The following CSMD1 variants were observed in gnomAD, a reference collection of about 807,000 sequenced individuals.
CSMD1 encodes the protein CUB and sushi domain-containing protein 1.
A neutral mutation model predicts 417.5 loss-of-function variants in CSMD1; 213 were observed. The ratio of observed to expected loss-of-function variants is 0.51; its 90% CI spans 0.46 to 0.57. CSMD1 has a LOEUF of 0.57. Ranked by LOEUF, CSMD1 falls within the 20% of genes least tolerant of loss-of-function variation. CSMD1 has a pLI of 0.00. For synonymous variants in CSMD1, 2,862 were observed against 1,736.8 expected (o/e 1.65, Z -16.11); for missense variants, 6,923 against 4,529.7 (o/e 1.53, Z -15.17).
chr8:4,314,881 G>A (rs1302091445), intron 3 of CSMD1, among the ~76,000 whole-genome samples: 1 of 152,144 alleles, frequency 6.6e-6, no homozygotes, highest in Non-Finnish European at 1.5e-5. Flanking sequence ...GCTTCCTGTT[G>A]GAGTGAAGAA....
At chr8:3,841,334 G>T (rs548521191) in intron 5 of CSMD1, among the ~76,000 whole-genome samples, 1 of 152,238 alleles carries the variant, frequency 6.6e-6, no homozygotes, top group South Asian at 2.1e-4. Context: ...GGCATCAAGT[G>T]CATTTTTGGA....
chr8:3,303,547 C>T (rs116958681), intron 25 of CSMD1, among the ~76,000 whole-genome samples: 2 of 152,302 alleles, frequency 1.3e-5, no homozygotes, highest in Non-Finnish European at 2.9e-5. Context: ...AACTATACTA[C>T]CAAATGCAAT....
At chr8:3,613,545 A>G (rs1043509193) in intron 8 of CSMD1, among the ~76,000 whole-genome samples, 1 of 152,046 alleles carries the variant, frequency 6.6e-6, no homozygotes. Context: ...CATAAAAAGA[A>G]AAAAACATCA....
intron 3 of CSMD1, among the ~76,000 whole-genome samples, chr8:4,140,428 G>A (rs562504281): frequency 6.6e-6 from 1 of 150,954 alleles, no homozygotes; most frequent in Non-Finnish European, 1.5e-5. Context: ...AACCTGGGAA[G>A]TGGAGGTTGC....
chr8:3,481,154 C>CAA (rs1221192557), intron 11 of CSMD1, among the ~76,000 whole-genome samples: 105 of 69,144 alleles, frequency 1.5e-3, no homozygotes, highest in East Asian at 4.4e-3. Flanking sequence ...GACTCCATCT[C>CAA]AAAAAAAAAA....
chr8:3,786,648 G>C (rs1465558294), intron 5 of CSMD1, among the ~76,000 whole-genome samples: 3 of 152,154 alleles, frequency 2.0e-5, no homozygotes, highest in Non-Finnish European at 2.9e-5. Context: ...GTTCACTCGA[G>C]ATGCTATGAT....
At chr8:4,152,868 G>A (rs756378361) in intron 3 of CSMD1, among the ~76,000 whole-genome samples, 2 of 152,088 alleles carry the variant, frequency 1.3e-5, no homozygotes, top group African/African-American at 4.8e-5. Flanking sequence ...GGAGAAATGA[G>A]AAATTAACAT....
chr8:3,516,550 T>A (rs1444211711), intron 10 of CSMD1, among the ~76,000 whole-genome samples: 1 of 152,204 alleles, frequency 6.6e-6, no homozygotes, highest in Non-Finnish European at 1.5e-5. Flanking sequence ...CATTATCAGG[T>A]CATGTCTGCT....
At chr8:4,123,223 A>G (rs1236746881) in intron 3 of CSMD1, among the ~76,000 whole-genome samples, 1 of 152,240 alleles carries the variant, frequency 6.6e-6, no homozygotes, top group Non-Finnish European at 1.5e-5. Flanking sequence ...AGCCAAGTTC[A>G]CAGTTAATGA....
intron 3 of CSMD1, among the ~76,000 whole-genome samples, chr8:4,345,335 G>C (rs902745493): frequency 6.6e-6 from 1 of 152,032 alleles, no homozygotes; most frequent in Non-Finnish European, 1.5e-5. Flanking sequence ...TCTTTTCCTT[G>C]CTTGGTTTCC....
At chr8:3,935,626 C>G (rs144584381) in intron 5 of CSMD1, among the ~76,000 whole-genome samples, 1 of 152,032 alleles carries the variant, frequency 6.6e-6, no homozygotes, top group African/African-American at 2.4e-5. Flanking sequence ...TGTTTGGGGG[C>G]CCCATATGTG....
At chr8:3,648,489 G>T (rs576066449) in intron 7 of CSMD1, among the ~76,000 whole-genome samples, 4 of 152,188 alleles carry the variant, frequency 2.6e-5, no homozygotes, top group Admixed American at 6.5e-5. Flanking sequence ...ACACAGTGGA[G>T]TGACTGCTGA....
At chr8:4,346,663 A>AT (rs890922969) in intron 3 of CSMD1, among the ~76,000 whole-genome samples, 1 of 152,084 alleles carries the variant, frequency 6.6e-6, no homozygotes, top group Non-Finnish European at 1.5e-5. Flanking sequence ...GCAATTTTGA[A>AT]TTTTTTTTCT....
intron 12 of CSMD1, among the ~76,000 whole-genome samples, chr8:3,429,831 C>A (rs1424473543): frequency 1.3e-5 from 2 of 152,124 alleles, no homozygotes; most frequent in African/African-American, 4.8e-5. Flanking sequence ...CCACCTCCCC[C>A]ACAAAAATAC....
rs556995630 is a variant in CSMD1 at position 3,676,380 on chromosome 8, T to C, written c.1009+32034A>G. On this transcript the variant is annotated intron_variant, in intron 7 of 69. Coordinates refer to ENST00000635120, the MANE Select transcript of CSMD1 (RefSeq NM_033225.6). ...AGGCAGGATTGTTGTCAAAACTAGATGAAAACTTATATACCAAGCACCATG... is the reference window on the plus strand; with the variant it reads ...AGGCAGGATTGTTGTCAAAACTAGACGAAAACTTATATACCAAGCACCATG... Among the ~76,000 whole-genome samples the C allele has an allele frequency of 1.2e-4, 18 of 152,270 alleles. No homozygotes were observed. In the South Asian group the frequency reaches 2.7e-3, roughly 23 times the overall value.
intron 1 of CSMD1, among the ~76,000 whole-genome samples, chr8:4,975,816 TTGC>T (rs1279972988): frequency 5.2e-4 from 78 of 148,740 alleles, no homozygotes; most frequent in African/African-American, 1.9e-3. Context: ...TGCATTTTTT[TTGC>T]AATAATAGAA....
chr8:3,888,786 T>C (rs1447403789), intron 5 of CSMD1, among the ~76,000 whole-genome samples: 1 of 152,128 alleles, frequency 6.6e-6, no homozygotes, highest in African/African-American at 2.4e-5. Context: ...TTTGGGTCCT[T>C]CCAAATAGCC....
chr8:3,939,995 C>G (rs576084735), intron 5 of CSMD1, among the ~76,000 whole-genome samples: 1 of 151,750 alleles, frequency 6.6e-6, no homozygotes, highest in Non-Finnish European at 1.5e-5. Context: ...CCACCTGTAC[C>G]CCAAAAACTA....
intron 3 of CSMD1, among the ~76,000 whole-genome samples, chr8:4,086,387 G>C (rs572704089): frequency 6.6e-5 from 10 of 152,270 alleles, no homozygotes; most frequent in African/African-American, 2.2e-4. Flanking sequence ...ACAAAATTCA[G>C]TACAGGCAGA....
Sources: gnomAD v4.1 joint callset for allele counts (sites outside exome capture counted in the v4.1 genomes callset) on GRCh38, gnomAD v4.1.1 for gene constraint, MANE v1.5 for transcripts, NCBI Gene and HGNC (gene_info 2026-07-23, HGNC 2026-07-21) for gene names.